The following CCDC175 variants were observed in gnomAD, a reference collection of about 807,000 sequenced individuals.
CCDC175 encodes the protein coiled-coil domain-containing protein 175.
CCDC175 carries 100 observed loss-of-function variants against 114.6 expected under a neutral mutation model. The observed-to-expected ratio is 0.87, with a 90% CI of 0.74 to 1.03. CCDC175 has a LOEUF of 1.03. Ranked by LOEUF, CCDC175 falls within the 50% of genes least tolerant of loss-of-function variation. The probability of loss-of-function intolerance (pLI) is 0.00; values close to 1 mark genes in which losing one functional copy is unlikely to be tolerated. For missense variants in CCDC175, 880 were observed against 917.8 expected (o/e 0.96, Z 0.53); for synonymous variants, 306 against 308.7 (o/e 0.99, Z 0.09).
intron 6 of CCDC175, among the ~76,000 whole-genome samples, chr14:59,562,026 G>A (rs7158055): frequency 0.52 from 79,698 of 152,032 alleles, 21,954 homozygotes; most frequent in East Asian, 0.82. Flanking sequence ...AGGTGAGAGA[G>A]GTGGGTAAAA....
chr14:59,527,254 A>C, intron 14 of CCDC175, 80 bp from the exon 15 acceptor site: 1 of 718,578 alleles, frequency 1.4e-6, no homozygotes, highest in East Asian at 3.0e-5. Context: ...AGTTTTAAAA[A>C]TCAAATTATC....
chr14:59,566,353 A>C (rs1484193975), intron 4 of CCDC175, among the ~76,000 whole-genome samples: 1 of 152,086 alleles, frequency 6.6e-6, no homozygotes, highest in African/African-American at 2.4e-5. Flanking sequence ...CAATGTAAAG[A>C]CCCTTTTCCT....
At chr14:59,527,734 A>T (rs1429483836) in intron 14 of CCDC175, among the ~76,000 whole-genome samples, 1 of 152,176 alleles carries the variant, frequency 6.6e-6, no homozygotes, top group Non-Finnish European at 1.5e-5. Flanking sequence ...ACAGAACTGT[A>T]CAACCTTTCA....
chr14:59,522,305 AAAATCTTTG>A (rs1457790538), intron 16 of CCDC175, among the ~76,000 whole-genome samples: 5 of 152,340 alleles, frequency 3.3e-5, no homozygotes, highest in Middle Eastern at 3.4e-3. Flanking sequence ...ACTATCCATA[AAAATCTTTG>A]AAATTGTGTT....
intron 16 of CCDC175, among the ~76,000 whole-genome samples, chr14:59,524,341 A>C (rs1159825844): frequency 2.6e-5 from 4 of 152,268 alleles, no homozygotes; most frequent in Admixed American, 6.5e-5. Context: ...ATAGACTTTA[A>C]TTTTAGGGGT....
At chr14:59,564,965 T>C (rs1718491393) in intron 5 of CCDC175, 82 bp downstream of exon 5, 6 of 1,107,650 alleles carry the variant, frequency 5.4e-6, no homozygotes, top group South Asian at 4.9e-5. Context: ...TTGCCAGCCT[T>C]GAGGACAAAT....
intron 8 of CCDC175, among the ~76,000 whole-genome samples, chr14:59,546,385 C>T (rs566937655): frequency 1.6e-4 from 24 of 152,192 alleles, no homozygotes; most frequent in African/African-American, 5.1e-4. Context: ...ACTTGGGTGA[C>T]GGGATCATTA....
intron 17 of CCDC175, among the ~76,000 whole-genome samples, chr14:59,517,960 T>C (rs1395707647): frequency 2.0e-5 from 3 of 152,270 alleles, no homozygotes; most frequent in Non-Finnish European, 2.9e-5. Flanking sequence ...ATGGTACTGG[T>C]ACCAAAACAG....
chr14:59,532,217 T>G (rs928128492), intron 13 of CCDC175, among the ~76,000 whole-genome samples: 3 of 152,054 alleles, frequency 2.0e-5, no homozygotes, highest in African/African-American at 7.2e-5. Flanking sequence ...CAAAAACATA[T>G]CTGAGAAAAT....
Position 59,525,290 on chromosome 14 carries a change from A to T in CCDC175, c.1987T>A (p.Leu663Ile), listed in dbSNP as rs1044155456. ...ADLLLLENKK[L>I]KEYILYLKNN... Reference sequence around the variant, plus strand: ...GGTGCTCTTAAACTTACTTCTTTTAATTTTTTATTTTCCAGGAGCAGAAGA... The same window carrying T: ...GGTGCTCTTAAACTTACTTCTTTTATTTTTTTATTTTCCAGGAGCAGAAGA... The change falls in exon 16 of 20, where the codon TTA becomes ATA. Residue 663 changes from leucine (L) to isoleucine (I), a missense_variant. Transcript: ENST00000537690. 110 of 1,448,858 alleles carry T rather than the reference A, an allele frequency of 7.6e-5. No homozygotes were observed. The highest frequency in any genetic ancestry group is 9.5e-5 in the Non-Finnish European group (106 of 1,110,964). The allele number at this position is 1,448,858 out of a possible 1,614,324, so 89.8% of individuals were successfully genotyped here.
Position 59,538,800 on chromosome 14 carries a change from G to A in CCDC175, c.1396C>T (p.His466Tyr), listed in dbSNP as rs1410009138. Residue 466 changes from histidine to tyrosine, a missense_variant, in exon 12 of 20, where the codon CAT becomes TAT. Physicochemically the swap from His to Tyr is moderately conservative, Grantham distance 83 (BLOSUM62 2). Transcript: ENST00000537690. ...QWKMACLRKK[H>Y]ARWTAKIKAE... Reference sequence around the variant, plus strand: ...TTTATCTTGGCTGTCCAACGTGCATGCTTTTTTCTCAAGCAAGCCATTTTC... The same window carrying A: ...TTTATCTTGGCTGTCCAACGTGCATACTTTTTTCTCAAGCAAGCCATTTTC... 7 of 1,536,584 alleles carry A rather than the reference G, an allele frequency of 4.6e-6. No individual in the cohort carries two copies. The highest frequency in any genetic ancestry group is 6.1e-6 in the Non-Finnish European group (7 of 1,146,648).
intron 8 of CCDC175, among the ~76,000 whole-genome samples, chr14:59,548,163 T>A (rs1000968094): frequency 6.6e-6 from 1 of 152,150 alleles, no homozygotes; most frequent in Non-Finnish European, 1.5e-5. Flanking sequence ...TGGATGAACC[T>A]GGAGGACATC....
intron 6 of CCDC175, among the ~76,000 whole-genome samples, chr14:59,562,292 T>C (rs1319790617): frequency 1.1e-5 from 1 of 91,030 alleles, no homozygotes; most frequent in Non-Finnish European, 2.2e-5. Context: ...CAATGTTACC[T>C]GGCTGCAGAG....
At chr14:59,507,485 GGA>G (rs1450916080) in intron 19 of CCDC175, among the ~76,000 whole-genome samples, 2 of 152,202 alleles carry the variant, frequency 1.3e-5, no homozygotes, top group African/African-American at 4.8e-5. Context: ...CAGTGATCCT[GGA>G]GAGGGCAGGA....
chr14:59,548,477 AC>A (rs1895250233), intron 8 of CCDC175, among the ~76,000 whole-genome samples: 1 of 152,170 alleles, frequency 6.6e-6, no homozygotes, highest in Non-Finnish European at 1.5e-5. Flanking sequence ...CTCACTTATA[AC>A]CATGGAATTT....
At chr14:59,532,861 T>G (rs1406826830) in intron 13 of CCDC175, among the ~76,000 whole-genome samples, 8 of 152,350 alleles carry the variant, frequency 5.3e-5, no homozygotes, top group African/African-American at 1.7e-4. Context: ...ATGACCCCTT[T>G]GAGCATCTTC....
At chr14:59,545,682 T>G (rs193130182) in intron 8 of CCDC175, among the ~76,000 whole-genome samples, 1 of 152,306 alleles carries the variant, frequency 6.6e-6, no homozygotes, top group East Asian at 1.9e-4. Context: ...ATATTATGCT[T>G]GCTTCTTGTG....
At chr14:59,515,852 A>C (rs1893046265) in intron 17 of CCDC175, among the ~76,000 whole-genome samples, 2 of 152,230 alleles carry the variant, frequency 1.3e-5, no homozygotes, top group Non-Finnish European at 2.9e-5. Context: ...ACGCCAAATC[A>C]ACAGAATATA....
At chr14:59,569,673 T>G (rs1896739965) in intron 3 of CCDC175, among the ~76,000 whole-genome samples, 1 of 152,214 alleles carries the variant, frequency 6.6e-6, no homozygotes, top group Non-Finnish European at 1.5e-5. Flanking sequence ...CCTGCATGTA[T>G]AGTTTGTTGT....
Sources: gnomAD v4.1 joint callset for allele counts (sites outside exome capture counted in the v4.1 genomes callset) on GRCh38, gnomAD v4.1.1 for gene constraint, MANE v1.5 for transcripts, NCBI Gene and HGNC (gene_info 2026-07-23, HGNC 2026-07-21) for gene names.